The following RGS5 variants were observed in gnomAD, a reference collection of about 807,000 sequenced individuals.
RGS5 encodes the protein regulator of G protein signaling 5.
Under a neutral mutation model 18.9 loss-of-function variants are expected in RGS5, and 20 were observed. The observed-to-expected ratio is 1.06, with a 90% confidence interval of 0.74 to 1.54. RGS5 has a LOEUF of 1.54. RGS5 is among the 40% of genes most tolerant of loss of function. The pLI is 0.00. For synonymous variants in RGS5, 57 were observed against 76.2 expected (o/e 0.75, Z 1.31); for missense variants, 201 against 211.8 (o/e 0.95, Z 0.32).
intron 1 of RGS5, among the ~76,000 whole-genome samples, chr1:163,214,779 TAA>T (rs1321873740): frequency 6.6e-6 from 1 of 152,198 alleles, no homozygotes; most frequent in Non-Finnish European, 1.5e-5. Flanking sequence ...AATTGAGCTT[TAA>T]AAAGTGTTTG....
At chr1:163,173,963 A>C (rs536340846) in intron 1 of RGS5, among the ~76,000 whole-genome samples, 47 of 152,110 alleles carry the variant, frequency 3.1e-4, no homozygotes, top group African/African-American at 1.1e-3. Flanking sequence ...TGTAATCCCA[A>C]CTACTCGGGA....
upstream of RGS5, among the ~76,000 whole-genome samples, chr1:163,206,080 A>C (rs1238252359): frequency 6.6e-6 from 1 of 152,156 alleles, no homozygotes; most frequent in African/African-American, 2.4e-5. Context: ...AGCAAGCTCA[A>C]TTTATAATTC....
At chr1:163,202,955 T>C (rs1571286269), upstream of RGS5, 1 of 885,034 alleles carries the variant, frequency 1.1e-6, no homozygotes, top group Non-Finnish European at 1.8e-6. Context: ...AGAAGCTCTT[T>C]CCCAGCCCTC....
intron 1 of RGS5, among the ~76,000 whole-genome samples, chr1:163,306,584 G>A (rs1649706348): frequency 6.6e-6 from 1 of 152,170 alleles, no homozygotes; most frequent in Non-Finnish European, 1.5e-5. Flanking sequence ...CTCTAAAAGA[G>A]ATATGTTGAA....
intron 1 of RGS5, chr1:163,217,522 A>C (rs561421735): frequency 1.7e-5 from 26 of 1,534,166 alleles, no homozygotes; most frequent in Non-Finnish European, 2.2e-5. Context: ...ATATTTGTAC[A>C]TACATTGATA....
chr1:163,210,280 C>G (rs1452876560), intron 1 of RGS5, among the ~76,000 whole-genome samples: 1 of 152,126 alleles, frequency 6.6e-6, no homozygotes, highest in African/African-American at 2.4e-5. Context: ...CTTACAGGCA[C>G]AAGCCACCCA....
At chr1:163,270,143 A>G (rs188157420) in intron 2 of RGS5, among the ~76,000 whole-genome samples, 12 of 152,236 alleles carry the variant, frequency 7.9e-5, no homozygotes, top group African/African-American at 2.4e-4. Context: ...GTCGGCATAT[A>G]TGCACTTGGG....
At chr1:163,292,379 G>A (rs1424482540) in intron 2 of RGS5, among the ~76,000 whole-genome samples, 1 of 152,074 alleles carries the variant, frequency 6.6e-6, no homozygotes, top group Admixed American at 6.5e-5. Context: ...ATAGTATTCC[G>A]TGGTGTATAT....
At chr1:163,274,919 C>A (rs533392539) in intron 2 of RGS5, among the ~76,000 whole-genome samples, 1 of 152,126 alleles carries the variant, frequency 6.6e-6, no homozygotes, top group Non-Finnish European at 1.5e-5. Context: ...GAGTTCAAGA[C>A]CAGCCTGGGC....
At chr1:163,202,665 C>G in intron 1 of RGS5, 127 bp downstream of exon 1, 1 of 699,610 alleles carries the variant, frequency 1.4e-6, no homozygotes, top group Non-Finnish European at 2.5e-6. Flanking sequence ...ACCCAATCTA[C>G]AGTCAAGCAC....
chr1:163,285,766 A>G (rs934529738), intron 2 of RGS5, among the ~76,000 whole-genome samples: 1 of 150,764 alleles, frequency 6.6e-6, no homozygotes, highest in Non-Finnish European at 1.5e-5. Flanking sequence ...AGTTTGTAGC[A>G]CCTTCCCCTT....
chr1:163,167,059 G>C (rs1346554110), intron 2 of RGS5, among the ~76,000 whole-genome samples: 2 of 60,662 alleles, frequency 3.3e-5, no homozygotes, highest in Non-Finnish European at 6.2e-5. Context: ...TCACTTTGAA[G>C]TAATAAAAAA....
chr1:163,242,033 GA>G (rs1483989840), intron 2 of RGS5, among the ~76,000 whole-genome samples: 1 of 152,126 alleles, frequency 6.6e-6, no homozygotes, highest in Non-Finnish European at 1.5e-5. Context: ...GCTAGCACTG[GA>G]ATAAAGGAAG....
intron 2 of RGS5, among the ~76,000 whole-genome samples, chr1:163,242,147 A>G (rs1647806373): frequency 6.6e-6 from 1 of 152,238 alleles, no homozygotes; most frequent in South Asian, 2.1e-4. Flanking sequence ...TGAGATCTAT[A>G]AAAGTTTTGA....
At chr1:163,270,039 C>T (rs565615138) in intron 2 of RGS5, among the ~76,000 whole-genome samples, 4 of 152,302 alleles carry the variant, frequency 2.6e-5, no homozygotes, top group Non-Finnish European at 4.4e-5. Flanking sequence ...CACTGTCACT[C>T]AGGCTAAAGT....
Position 163,168,318 on chromosome 1 carries a change from G to C in RGS5, c.95C>G (p.Ser32Ter). 2 of 1,613,902 alleles carry C rather than the reference G, an allele frequency of 1.2e-6. No homozygotes were observed. Among genetic ancestry groups the C allele is most frequent in the Non-Finnish European group, 1.7e-6 (2 of 1,179,828 alleles). Residue 32 changes from serine (S) to a stop codon, truncating the protein, a stop_gained, in exon 2 of 5, where the codon TCA becomes TGA. Coordinates refer to ENST00000313961, the MANE Select transcript of RGS5 (RefSeq NM_003617.4). LOFTEE classifies it high-confidence loss of function. ...GTACGGAATGACAAGGTCACCAACTGAGTCTGGCTTCTGGAGGAGAATTCC... is the reference window on the plus strand; with the variant it reads ...GTACGGAATGACAAGGTCACCAACTCAGTCTGGCTTCTGGAGGAGAATTCC... ...KLGILLQKPD[S>*]VGDLVIPYNE...
Position 163,182,443 on chromosome 1 carries a change from G to A in RGS5, c.45-14075C>T, listed in dbSNP as rs1211658183. Among the ~76,000 whole-genome samples the A allele has an allele frequency of 3.9e-5, 6 of 152,222 alleles. No homozygotes were observed. The East Asian group carries it at 1.2e-3, about 29-fold the overall frequency. On this transcript the variant is annotated intron_variant, in intron 1 of 4. Coordinates refer to ENST00000313961, the MANE Select transcript of RGS5 (RefSeq NM_003617.4). ...AGAGTATTGTTTTTCCCAAGTACTGGCCACTCCCTACTCAAGGATTCCCGT... is the reference window on the plus strand; with the variant it reads ...AGAGTATTGTTTTTCCCAAGTACTGACCACTCCCTACTCAAGGATTCCCGT...
At chr1:163,317,001 G>T (rs1650043951) in intron 1 of RGS5, among the ~76,000 whole-genome samples, 3 of 152,120 alleles carry the variant, frequency 2.0e-5, no homozygotes, top group Non-Finnish European at 4.4e-5. Context: ...GCACAAAACA[G>T]ATCATTTCAA....
intron 1 of RGS5, among the ~76,000 whole-genome samples, chr1:163,213,231 T>C (rs1660144360): frequency 6.6e-6 from 1 of 152,082 alleles, no homozygotes; most frequent in Non-Finnish European, 1.5e-5. Flanking sequence ...ACTTGCTTTT[T>C]TCCAAAAAAA....
Sources: allele counts gnomAD v4.1 joint callset (sites outside exome capture counted in the v4.1 genomes callset), GRCh38; gene constraint gnomAD v4.1.1; transcripts MANE v1.5; gene names NCBI Gene and HGNC (gene_info 2026-07-23, HGNC 2026-07-21).